NABP1: variants seen among roughly 807,000 people sequenced by gnomAD.
NABP1 encodes nucleic acid binding protein 1.
In NABP1, 18 loss-of-function variants were observed where a neutral mutation model predicts 25.0. The ratio of observed to expected loss-of-function variants is 0.72; its 90% CI spans 0.50 to 1.07. NABP1 has a LOEUF of 1.07. Among genes scored for constraint, NABP1 ranks in the 50% least tolerant of loss-of-function variants. The pLI is 0.00. For synonymous variants in NABP1, 71 were observed against 85.0 expected, an observed-to-expected ratio of 0.84 and a Z score of 0.91; for missense variants, 270 against 255.6, an observed-to-expected ratio of 1.06 and a Z score of -0.39.
At position 191,686,436 on chromosome 2, in the gene NABP1, G is replaced by A. The variant is rs1687824013; in HGVS notation, c.*668G>A. The A allele has an allele frequency of 6.6e-6, 1 of 152,192 alleles. No homozygotes were observed. 9.4% of individuals were successfully genotyped at this position (152,192 alleles called of 1,614,324 possible). ...GCTCCTAACATGTATTATCAACTTT[G>A]TGGATTACATTGGAGGAAAATTTAA... On this transcript the variant is annotated 3_prime_UTR_variant, in exon 6 of 6. Transcript: ENST00000425611.
intron 2 of NABP1, among the ~76,000 whole-genome samples, chr2:191,680,470 C>A (rs570147478): frequency 6.6e-6 from 1 of 152,260 alleles, no homozygotes; most frequent in East Asian, 1.9e-4. Flanking sequence ...TAAACTTCCA[C>A]ATCTTTAAAA....
At chr2:191,685,541 GTTCTAC>G (rs1200701572) in intron 5 of NABP1, 52 bp from the exon 6 acceptor site, 6 of 1,469,302 alleles carry the variant, frequency 4.1e-6, no homozygotes, top group African/African-American at 2.8e-5. Context: ...ACTTAAGATA[GTTCTAC>G]TTCTATAGAC....
At position 191,685,841 on chromosome 2, in the gene NABP1, T is replaced by C. The variant is rs1380572312; in HGVS notation, c.*73T>C. Reference sequence around the variant, plus strand: ...GAACACTTATTGCACTTTTATTTATTGTTAACTGTGAAAAGTACGTCCTTT... The same window carrying C: ...GAACACTTATTGCACTTTTATTTATCGTTAACTGTGAAAAGTACGTCCTTT... On this transcript the variant is annotated 3_prime_UTR_variant, in exon 6 of 6. Coordinates refer to ENST00000425611, the MANE Select transcript of NABP1 (RefSeq NM_001031716.5). 1 of 1,392,790 alleles carries C rather than the reference T, an allele frequency of 7.2e-7. No individual in the cohort carries two copies. The highest frequency in any genetic ancestry group is 1.5e-5 in the African/African-American group (1 of 68,368). The allele number at this position is 1,392,790 out of a possible 1,614,324, so 86.3% of individuals were successfully genotyped here.
rs770981119 is a variant in NABP1 at position 191,679,132 on chromosome 2, GGT to G, written c.230+8_230+9del. ...ATATTATTCGGTTGACCAGAGGGTA[GGT>G]GTGCAAAAAAGTCGGGGGACCTAAC... is the stretch of plus-strand genomic sequence containing the variant. On this transcript the variant is annotated splice_donor_5th_base_variant and intron_variant, in intron 2 of 5. Transcript: ENST00000425611. 1.9e-6 allele frequency: 3 copies of G among 1,614,000 alleles called. No homozygotes were observed. The highest frequency in any genetic ancestry group is 2.5e-6 in the Non-Finnish European group (3 of 1,180,008).
chr2:191,681,965 G>T lies in NABP1; in HGVS notation c.250G>T (p.Gly84Ter). The T allele has an allele frequency of 6.6e-7, 1 of 1,517,678 alleles. No homozygotes were observed. The highest frequency in any genetic ancestry group is 1.3e-5 in the South Asian group (1 of 74,516). The allele number at this position is 1,517,678 out of a possible 1,614,324, so 94.0% of individuals were successfully genotyped here. A position where few individuals can be genotyped will look rare whatever the true frequency, so the allele number is the denominator to read the frequency against. The change falls in exon 3 of 6, where the codon GGA becomes TGA. Residue 84 changes from glycine to a stop codon, truncating the protein, a stop_gained. Transcript: ENST00000425611. LOFTEE classifies it high-confidence loss of function. ...LTRGYASMWKGCLTLYTGRGG... is the reference protein window; with the variant it reads ...LTRGYASMWK ...CTCTAGGTATGCATCCATGTGGAAA[G>T]GATGTCTGACACTTTATACTGGAAG...
chr2:191,678,519 G>T lies in NABP1; in HGVS notation c.-96G>T. 1 of 747,226 alleles carries T rather than the reference G, an allele frequency of 1.3e-6. No homozygotes were observed. Among genetic ancestry groups the T allele is most frequent in the Non-Finnish European group, 2.1e-6 (1 of 477,800 alleles). 46.3% of individuals were successfully genotyped at this position (747,226 alleles called of 1,614,324 possible). On this transcript the variant is annotated 5_prime_UTR_variant, in exon 1 of 6. Coordinates refer to ENST00000425611, the MANE Select transcript of NABP1 (RefSeq NM_001031716.5). ...TCTCTCGCCACCCCTGCCCAAGGTCGCCCCTCTGCCTTCGCCCCTGTCCCG... is the reference window on the plus strand; with the variant it reads ...TCTCTCGCCACCCCTGCCCAAGGTCTCCCCTCTGCCTTCGCCCCTGTCCCG...
At chr2:191,680,378 T>TGA (rs1687654528) in intron 2 of NABP1, among the ~76,000 whole-genome samples, 1 of 152,158 alleles carries the variant, frequency 6.6e-6, no homozygotes, top group Admixed American at 6.5e-5. Context: ...CTTCAGGAAG[T>TGA]GAGGTAAAGT....
In NABP1 at chr2:191,679,012, C is replaced by T. The variant is rs142337371; in HGVS notation, c.114C>T (p.Asp38=). The T allele has an allele frequency of 3.7e-6, 6 of 1,614,112 alleles. No homozygotes were observed. The highest frequency in any genetic ancestry group is 2.7e-5 in the African/African-American group (2 of 74,952). ...LEIGRVTKTK[D]GHEVRSCKVA... ...CAGGACGCGTGACCAAAACCAAAGA[C>T]GGCCATGAAGTGAGATCGTGCAAAG... The change falls in exon 2 of 6, where the codon GAC becomes GAT. Residue 38 remains aspartate (D), a synonymous_variant. Coordinates refer to ENST00000425611, the MANE Select transcript of NABP1 (RefSeq NM_001031716.5).
chr2:191,678,716 T>G lies in NABP1; in HGVS notation c.91+11T>G. On this transcript the variant is annotated intron_variant, in intron 1 of 5. Coordinates refer to ENST00000425611, the MANE Select transcript of NABP1 (RefSeq NM_001031716.5). Reference sequence around the variant, plus strand: ...TTGTCCTGGAGATAGGTAAGTGGGGTTTGCAGCCTACTCCACCGCCCGCTG... The same window carrying G: ...TTGTCCTGGAGATAGGTAAGTGGGGGTTGCAGCCTACTCCACCGCCCGCTG... The G allele has an allele frequency of 6.2e-7, 1 of 1,609,128 alleles. No individual in the cohort carries two copies.
In NABP1 at chr2:191,678,613, A is replaced by T. The variant is rs1687571461; in HGVS notation, c.-2A>T. The stretch of plus-strand genomic sequence containing the variant: ...CGCAGCCGTAGCCGCGCCTGTCCCA[A>T]TATGAATAGGGTCAACGACCCACTT... On this transcript the variant is annotated 5_prime_UTR_variant, in exon 1 of 6. Coordinates refer to ENST00000425611, the MANE Select transcript of NABP1 (RefSeq NM_001031716.5). The T allele has an allele frequency of 6.2e-7, 1 of 1,609,632 alleles. No homozygotes were observed. The highest frequency in any genetic ancestry group is 8.5e-7 in the Non-Finnish European group (1 of 1,177,700).
At chr2:191,680,060 C>A (rs1377006902) in intron 2 of NABP1, among the ~76,000 whole-genome samples, 1 of 152,084 alleles carries the variant, frequency 6.6e-6, no homozygotes, top group Non-Finnish European at 1.5e-5. Flanking sequence ...ATCTACAATA[C>A]CTTCATCCAA....
At chr2:191,682,694 C>T (rs1177045719) in intron 3 of NABP1, 2 of 319,520 alleles carry the variant, frequency 6.3e-6, no homozygotes, top group Non-Finnish European at 1.3e-5. Context: ...TTGGTTAATG[C>T]TCTGCCATCT....
At position 191,686,126 on chromosome 2, in the gene NABP1, A is replaced by G. The variant is rs1207321829; in HGVS notation, c.*358A>G. On this transcript the variant is annotated 3_prime_UTR_variant, in exon 6 of 6. Coordinates refer to ENST00000425611, the MANE Select transcript of NABP1 (RefSeq NM_001031716.5). ...TTTGTAATATTTAACATAAGGCTTA[A>G]TGGGAGATGTTCTTTTGTCTTGTAT... The G allele has an allele frequency of 1.2e-5, 2 of 162,800 alleles. No homozygotes were observed. The highest frequency in any genetic ancestry group is 2.4e-5 in the African/African-American group (1 of 41,580). 10.1% of individuals were successfully genotyped at this position (162,800 alleles called of 1,614,324 possible).
rs1687796161 is a variant in NABP1 at position 191,685,631 on chromosome 2, G to A, written c.478G>A (p.Glu160Lys). The A allele has an allele frequency of 6.2e-7, 1 of 1,613,658 alleles. No individual in the cohort carries two copies. The highest frequency in any genetic ancestry group is 8.5e-7 in the Non-Finnish European group (1 of 1,179,790). ...TGTTCACACTGGCCCTGAATCAAGG[G>A]AACACCAGTTTTCACATGCTGGCAG... ...NGVHTGPESR[E>K]HQFSHAGRSN... Residue 160 changes from glutamate (E) to lysine (K), a missense_variant, in exon 6 of 6, where the codon GAA (glutamate) becomes AAA (lysine). Transcript: ENST00000425611.
intron 1 of NABP1, 84 bp downstream of exon 1, chr2:191,678,789 G>A (rs1687579535): frequency 4.4e-6 from 6 of 1,351,450 alleles, no homozygotes; most frequent in East Asian, 4.6e-5. Flanking sequence ...CGCGCCCGGG[G>A]CTCCCCTCCT....
chr2:191,685,927 CTG>C lies in NABP1; in HGVS notation c.*161_*162del. On this transcript the variant is annotated 3_prime_UTR_variant, in exon 6 of 6. Transcript: ENST00000425611. Reference sequence around the variant, plus strand: ...AGAATGGTTTGTTTTTATAGCAAAACTGTTAAGCTGCTCGAGTCTCCTGTTGA... The same window carrying C: ...AGAATGGTTTGTTTTTATAGCAAAACTTAAGCTGCTCGAGTCTCCTGTTGA... 1 of 623,666 alleles carries C rather than the reference CTG, an allele frequency of 1.6e-6. No homozygotes were observed. Among genetic ancestry groups the C allele is most frequent in the Non-Finnish European group, 2.6e-6 (1 of 378,670 alleles). 38.6% of individuals were successfully genotyped at this position (623,666 alleles called of 1,614,324 possible).
intron 1 of NABP1, 90 bp downstream of exon 1, chr2:191,678,795 C>CACCAACA: frequency 8.0e-7 from 1 of 1,243,644 alleles, no homozygotes; most frequent in Non-Finnish European, 1.1e-6. Flanking sequence ...CGGGGCTCCC[C>CACCAACA]TCCTCCTCCC....
rs1206936171 is a variant in NABP1 at position 191,686,264 on chromosome 2, T to C, written c.*496T>C. 1 of 152,388 alleles carries C rather than the reference T, an allele frequency of 6.6e-6. No individual in the cohort carries two copies. The highest frequency in any genetic ancestry group is 1.5e-5 in the Non-Finnish European group (1 of 68,154). The allele number at this position is 152,388 out of a possible 1,614,324, so 9.4% of individuals were successfully genotyped here. The stretch of plus-strand genomic sequence containing the variant: ...GGAATGATTGACTTCGTTCAGTGAC[T>C]ACTATTAAGATTTTCCAAGGACTGA... On this transcript the variant is annotated 3_prime_UTR_variant, in exon 6 of 6. Transcript: ENST00000425611.
chr2:191,685,487 A>G, intron 5 of NABP1, 112 bp from the exon 6 acceptor site: 1 of 967,814 alleles, frequency 1.0e-6, no homozygotes, highest in African/African-American at 1.6e-5. Flanking sequence ...TATAAAAATA[A>G]AAGTGTGTGC....
Sources: gnomAD v4.1 joint callset for allele counts (sites outside exome capture counted in the v4.1 genomes callset) on GRCh38, gnomAD v4.1.1 for gene constraint, MANE v1.5 for transcripts, NCBI Gene and HGNC (gene_info 2026-07-23, HGNC 2026-07-21) for gene names.